Variants in ADCY1 observed in about 807,000 individuals in gnomAD.
ADCY1 encodes the protein adenylate cyclase 1.
In ADCY1, 28 loss-of-function variants were observed where a neutral mutation model predicts 105.4. That is an observed-to-expected ratio of 0.27 (90% CI 0.20 to 0.36). ADCY1 has a LOEUF of 0.36. Ranked by LOEUF, ADCY1 falls within the 10% of genes least tolerant of loss-of-function variation. The probability of loss-of-function intolerance (pLI) is 1.00; values close to 1 mark genes in which losing one functional copy is unlikely to be tolerated. For synonymous variants in ADCY1, 655 were observed against 623.8 expected (o/e 1.05, Z -0.75); for missense variants, 977 against 1,434.2 (o/e 0.68, Z 5.15).
At chr7:45,668,634 G>T (rs1784307983) in intron 8 of ADCY1, among the ~76,000 whole-genome samples, 1 of 152,202 alleles carries the variant, frequency 6.6e-6, no homozygotes, top group South Asian at 2.1e-4. Context: ...TCAGGATGAT[G>T]CTGGCCTCAT....
At chr7:45,678,612 G>T (rs939219534) in intron 10 of ADCY1, among the ~76,000 whole-genome samples, 6 of 151,576 alleles carry the variant, frequency 4.0e-5, no homozygotes, top group Non-Finnish European at 5.9e-5. Context: ...GGGTGTAGTG[G>T]CTCATACCTG....
chr7:45,642,990 T>TATGAAGTC (rs1197582543), intron 4 of ADCY1, among the ~76,000 whole-genome samples: 7 of 152,234 alleles, frequency 4.6e-5, no homozygotes, highest in Admixed American at 6.5e-5. Flanking sequence ...AGCACCCCGT[T>TATGAAGTC]ATGAAGTCAT....
intron 2 of ADCY1, among the ~76,000 whole-genome samples, chr7:45,608,965 G>T (rs1456127490): frequency 2.6e-5 from 4 of 152,206 alleles, no homozygotes; most frequent in Admixed American, 2.6e-4. Flanking sequence ...GCCTCACTTG[G>T]CATCAGACAG....
At position 45,631,336 on chromosome 7, in the gene ADCY1, T is replaced by C. The variant is rs536481056; in HGVS notation, c.1020+8593T>C. On this transcript the variant is annotated intron_variant, in intron 4 of 19. Transcript: ENST00000297323. Reference sequence around the variant, plus strand: ...GAATTGTCAAATAACGTTGTCCTTATTAGCATTATAATGCAACCGGATTCC... The same window carrying C: ...GAATTGTCAAATAACGTTGTCCTTACTAGCATTATAATGCAACCGGATTCC... Among the ~76,000 whole-genome samples, 52 of 152,360 alleles carry C rather than the reference T, an allele frequency of 3.4e-4. No individual in the cohort carries two copies. In the South Asian group the frequency reaches 0.01, roughly 30 times the overall value.
chr7:45,618,211 C>T (rs1051349597), intron 3 of ADCY1, among the ~76,000 whole-genome samples: 3 of 152,116 alleles, frequency 2.0e-5, no homozygotes, highest in Non-Finnish European at 4.4e-5. Flanking sequence ...TATCTCTTAC[C>T]ATACACAAAA....
chr7:45,607,187 G>A (rs1374103672), intron 2 of ADCY1, among the ~76,000 whole-genome samples: 4 of 152,194 alleles, frequency 2.6e-5, no homozygotes, highest in African/African-American at 9.7e-5. Context: ...CCTTAGGAAC[G>A]TCGTGTGACA....
At chr7:45,595,526 C>A (rs1327130802) in intron 2 of ADCY1, among the ~76,000 whole-genome samples, 3 of 152,172 alleles carry the variant, frequency 2.0e-5, no homozygotes, top group South Asian at 2.1e-4. Context: ...TTCTGTATTT[C>A]TTTGTGATTA....
intron 4 of ADCY1, among the ~76,000 whole-genome samples, chr7:45,637,299 T>G (rs538539903): frequency 2.0e-5 from 3 of 152,376 alleles, no homozygotes; most frequent in African/African-American, 7.2e-5. Context: ...ACATTTTATT[T>G]ACACAGTCAA....
chr7:45,709,531 G>T (rs1198216871), intron 18 of ADCY1, among the ~76,000 whole-genome samples: 2 of 152,172 alleles, frequency 1.3e-5, no homozygotes, highest in East Asian at 3.9e-4. Flanking sequence ...TGGTCCTTTG[G>T]GGTTCTTCTC....
At chr7:45,698,092 A>T (rs551851236) in intron 14 of ADCY1, among the ~76,000 whole-genome samples, 69 of 152,256 alleles carry the variant, frequency 4.5e-4, no homozygotes, top group African/African-American at 1.5e-3. Flanking sequence ...GAGAAATACA[A>T]CAAGATGCTA....
chr7:45,612,942 A>G (rs899405610), intron 3 of ADCY1, among the ~76,000 whole-genome samples: 4 of 152,188 alleles, frequency 2.6e-5, no homozygotes, highest in African/African-American at 4.8e-5. Flanking sequence ...TTGGTAAAGC[A>G]CCAGAATCTG....
chr7:45,670,636 G>T (rs116869056), intron 8 of ADCY1, among the ~76,000 whole-genome samples: 1 of 151,964 alleles, frequency 6.6e-6, no homozygotes, highest in African/African-American at 2.4e-5. Context: ...CTGATCCAGG[G>T]TGGACCTGTG....
At position 45,685,950 on chromosome 7, in the gene ADCY1, C is replaced by T. The variant is rs1784663668; in HGVS notation, c.2074-12C>T. On this transcript the variant is annotated splice_polypyrimidine_tract_variant and intron_variant, in intron 12 of 19. Transcript: ENST00000297323. The stretch of plus-strand genomic sequence containing the variant: ...GCCCTTTGCTAAGCCCCTGTGACCC[C>T]TCCCTTCCCAGGTGGGCTGCCTGCC... The T allele has an allele frequency of 6.2e-7, 1 of 1,609,150 alleles. No homozygotes were observed. The highest frequency in any genetic ancestry group is 2.2e-5 in the East Asian group (1 of 44,804).
rs1040591886 is a variant in ADCY1 at position 45,685,813 on chromosome 7, A to G, written c.2074-149A>G. 5 of 1,007,334 alleles carry G rather than the reference A, an allele frequency of 5.0e-6. No homozygotes were observed. The East Asian group carries it at 1.3e-4, about 26-fold the overall frequency. 62.4% of individuals were successfully genotyped at this position (1,007,334 alleles called of 1,614,324 possible). On this transcript the variant is annotated intron_variant, in intron 12 of 19. Coordinates refer to ENST00000297323, the MANE Select transcript of ADCY1 (RefSeq NM_021116.4). ...GAGCCTTGAAGTGCTGTGAGTTGCC[A>G]TGAGGTCTGTGGCTTGGTGTGATAG...
intron 5 of ADCY1, among the ~76,000 whole-genome samples, chr7:45,657,486 G>A (rs1283311807): frequency 6.6e-6 from 1 of 152,228 alleles, no homozygotes; most frequent in East Asian, 1.9e-4. Context: ...TGTGGACATG[G>A]TGCGAGCTGG....
At chr7:45,711,073 G>C (rs1055646019) in intron 19 of ADCY1, among the ~76,000 whole-genome samples, 1 of 152,216 alleles carries the variant, frequency 6.6e-6, no homozygotes, top group African/African-American at 2.4e-5. Flanking sequence ...AGCTGAGGTG[G>C]CCTGACACAT....
At chr7:45,671,856 G>T (rs754023499) in intron 8 of ADCY1, among the ~76,000 whole-genome samples, 6 of 152,076 alleles carry the variant, frequency 3.9e-5, no homozygotes, top group Non-Finnish European at 8.8e-5. Flanking sequence ...GGTGTGGTTT[G>T]CAATTATTTC....
intron 1 of ADCY1, among the ~76,000 whole-genome samples, chr7:45,585,671 C>T (rs1306959299): frequency 6.6e-6 from 1 of 152,114 alleles, no homozygotes; most frequent in Non-Finnish European, 1.5e-5. Context: ...TGGTCTTGAA[C>T]TCCTGACCTC....
chr7:45,685,814 T>C (rs558149795), intron 12 of ADCY1, 148 bp from the exon 13 acceptor site: 7 of 1,005,542 alleles, frequency 7.0e-6, no homozygotes, highest in Non-Finnish European at 9.9e-6. Flanking sequence ...TGAGTTGCCA[T>C]GAGGTCTGTG....
Sources: gnomAD v4.1 joint callset for allele counts (sites outside exome capture counted in the v4.1 genomes callset) on GRCh38, gnomAD v4.1.1 for gene constraint, MANE v1.5 for transcripts, NCBI Gene and HGNC (gene_info 2026-07-23, HGNC 2026-07-21) for gene names.